The following ATP10B variants were observed in gnomAD, a reference collection of about 807,000 sequenced individuals.
ATP10B encodes the protein phospholipid-transporting ATPase VB.
ATP10B carries 122 observed loss-of-function variants against 141.2 expected under a neutral mutation model. The observed-to-expected ratio is 0.86, with a 90% CI of 0.75 to 1.00. The LOEUF is 1.00. Among genes scored for constraint, ATP10B ranks in the 50% least tolerant of loss-of-function variants. ATP10B has a pLI of 0.00. For missense variants in ATP10B, 1,876 were observed against 1,825.3 expected (o/e 1.03, Z -0.51); for synonymous variants, 685 against 692.0 (o/e 0.99, Z 0.16).
At chr5:160,588,981 T>C (rs1756093847) in intron 24 of ATP10B, among the ~76,000 whole-genome samples, 1 of 152,102 alleles carries the variant, frequency 6.6e-6, no homozygotes, top group African/African-American at 2.4e-5. Flanking sequence ...TGGTCAGTGT[T>C]TTCCTTGTCT....
chr5:160,850,833 A>G (rs888082295), intron 1 of ATP10B, among the ~76,000 whole-genome samples: 2 of 152,236 alleles, frequency 1.3e-5, no homozygotes, highest in African/African-American at 4.8e-5. Flanking sequence ...AATCCATATA[A>G]TTAGGCTGTA....
At chr5:160,862,308 G>A in the ATP10B span, among the ~76,000 whole-genome samples, 12 of 152,114 alleles carry the variant, frequency 7.9e-5, no homozygotes, top group East Asian at 2.3e-3. Flanking sequence ...CAGAAGCAGA[G>A]CTAAGCCTTC....
intron 11 of ATP10B, among the ~76,000 whole-genome samples, chr5:160,635,910 G>C (rs1759332140): frequency 6.6e-6 from 1 of 152,154 alleles, no homozygotes; most frequent in Non-Finnish European, 1.5e-5. Context: ...GCACATATGG[G>C]TCACTGCTGT....
chr5:160,645,403 C>A (rs1384379208), intron 8 of ATP10B, among the ~76,000 whole-genome samples: 1 of 152,202 alleles, frequency 6.6e-6, no homozygotes, highest in Admixed American at 6.5e-5. Context: ...TAAGGAAGGG[C>A]AGGTCATGGG....
intron 1 of ATP10B, among the ~76,000 whole-genome samples, chr5:160,832,460 A>G (rs1267152440): frequency 1.3e-5 from 2 of 152,016 alleles, no homozygotes; most frequent in Non-Finnish European, 2.9e-5. Flanking sequence ...TAAGTTGTAG[A>G]GAGAGTATAT....
intron 1 of ATP10B, among the ~76,000 whole-genome samples, chr5:160,842,015 G>A (rs959803629): frequency 2.0e-5 from 3 of 152,142 alleles, no homozygotes; most frequent in Non-Finnish European, 2.9e-5. Flanking sequence ...ATGAGCCATC[G>A]CGCCCGGCCT....
upstream of ATP10B, among the ~76,000 whole-genome samples, chr5:160,856,301 G>A (rs1753997943): frequency 6.6e-6 from 1 of 151,656 alleles, no homozygotes; most frequent in South Asian, 2.1e-4. Context: ...TTTGCTTGCT[G>A]CACATATGTT....
intron 1 of ATP10B, among the ~76,000 whole-genome samples, chr5:160,827,233 C>T (rs1443815164): frequency 2.0e-5 from 3 of 152,184 alleles, no homozygotes; most frequent in Non-Finnish European, 4.4e-5. Context: ...TCTCAGCCGG[C>T]CAACACTTAC....
intron 2 of ATP10B, among the ~76,000 whole-genome samples, chr5:160,732,007 C>A (rs1008558694): frequency 1.3e-5 from 2 of 152,018 alleles, no homozygotes; most frequent in East Asian, 1.9e-4. Flanking sequence ...AAAAATGTGA[C>A]CAATTCTCAA....
At chr5:160,660,989 C>A (rs966226808) in intron 7 of ATP10B, among the ~76,000 whole-genome samples, 1 of 152,258 alleles carries the variant, frequency 6.6e-6, no homozygotes, top group South Asian at 2.1e-4. Flanking sequence ...GAGTTTAAGA[C>A]CAGCCTGACC....
chr5:160,871,606 G>A, the ATP10B span, among the ~76,000 whole-genome samples: 1 of 152,086 alleles, frequency 6.6e-6, no homozygotes, highest in Non-Finnish European at 1.5e-5. Context: ...ACATATCAGT[G>A]AGAACATACG....
At chr5:160,652,188 TC>T (rs1160990406) in intron 7 of ATP10B, among the ~76,000 whole-genome samples, 1 of 152,100 alleles carries the variant, frequency 6.6e-6, no homozygotes, top group East Asian at 1.9e-4. Flanking sequence ...AGGACTTTTG[TC>T]CCCATCTTCC....
intron 2 of ATP10B, among the ~76,000 whole-genome samples, chr5:160,755,802 G>A (rs1400553295): frequency 8.6e-4 from 99 of 115,464 alleles, no homozygotes; most frequent in Admixed American, 4.1e-3. Context: ...GCGACAGAGC[G>A]AGACTCCGTC....
the ATP10B span, among the ~76,000 whole-genome samples, chr5:160,883,039 G>A: frequency 0.017 from 2,513 of 152,196 alleles, 74 homozygotes; most frequent in African/African-American, 0.057. Flanking sequence ...GATAAATATA[G>A]TAAACATCAA....
intron 7 of ATP10B, among the ~76,000 whole-genome samples, chr5:160,649,759 C>T (rs1183184490): frequency 6.6e-6 from 1 of 152,172 alleles, no homozygotes; most frequent in Non-Finnish European, 1.5e-5. Context: ...CATTATAAAT[C>T]ACACCACATA....
chr5:160,605,362 C>T (rs1046835125), intron 19 of ATP10B, among the ~76,000 whole-genome samples: 1 of 152,214 alleles, frequency 6.6e-6, no homozygotes, highest in Non-Finnish European at 1.5e-5. Context: ...TAATTTTCAT[C>T]TTCCCCATGC....
At chr5:160,735,066 C>A (rs1767013028) in intron 2 of ATP10B, among the ~76,000 whole-genome samples, 5 of 138,256 alleles carry the variant, frequency 3.6e-5, no homozygotes, top group Non-Finnish European at 6.3e-5. Context: ...TAAAGGAAGA[C>A]AGGAAAGAAA....
intron 6 of ATP10B, among the ~76,000 whole-genome samples, chr5:160,675,376 T>C (rs1448349621): frequency 6.6e-6 from 1 of 152,196 alleles, no homozygotes; most frequent in Admixed American, 6.5e-5. Flanking sequence ...CAGTGCTAAA[T>C]GGCTTTCTGA....
At chr5:160,768,951 G>A (rs1769681686) in intron 2 of ATP10B, among the ~76,000 whole-genome samples, 1 of 152,152 alleles carries the variant, frequency 6.6e-6, no homozygotes, top group Non-Finnish European at 1.5e-5. Flanking sequence ...GCCTCAGTCT[G>A]GAGTTGGCAT....
Sources: allele counts gnomAD v4.1 joint callset (sites outside exome capture counted in the v4.1 genomes callset), GRCh38; gene constraint gnomAD v4.1.1; transcripts MANE v1.5; gene names NCBI Gene and HGNC (gene_info 2026-07-23, HGNC 2026-07-21).